NEGR1: variants seen among roughly 807,000 people sequenced by gnomAD.
The protein encoded by NEGR1 is IgLON family member 4.
A neutral mutation model predicts 40.9 loss-of-function variants in NEGR1; 10 were observed. The ratio of observed to expected loss-of-function variants is 0.24; its 90% confidence interval spans 0.15 to 0.42. The LOEUF (loss-of-function observed/expected upper bound fraction) is 0.42. Ranked by LOEUF, NEGR1 falls within the 10% of genes least tolerant of loss-of-function variation. The pLI is 1.00. For missense variants in NEGR1, 352 were observed against 438.9 expected (o/e 0.80, Z 1.77); for synonymous variants, 185 against 166.8 (o/e 1.11, Z -0.84).
chr1:71,725,789 T>C (rs761225698), intron 3 of NEGR1, among the ~76,000 whole-genome samples: 19 of 152,090 alleles, frequency 1.2e-4, no homozygotes, highest in African/African-American at 4.3e-4. Flanking sequence ...GATTATAGCA[T>C]AGTTTCTAGT....
At chr1:71,463,292 T>C (rs1054116375) in intron 6 of NEGR1, 2 of 152,128 alleles carry the variant, frequency 1.3e-5, no homozygotes, top group African/African-American at 2.4e-5. Flanking sequence ...TACTGTTTTG[T>C]TCATTAGGGA....
At chr1:71,627,785 G>C (rs1013125188) in intron 4 of NEGR1, among the ~76,000 whole-genome samples, 4 of 152,040 alleles carry the variant, frequency 2.6e-5, no homozygotes, top group Non-Finnish European at 4.4e-5. Flanking sequence ...CAAAGCCAAA[G>C]AGAGCTCTAT....
At chr1:71,897,208 C>T (rs867436979) in intron 2 of NEGR1, among the ~76,000 whole-genome samples, 1 of 151,808 alleles carries the variant, frequency 6.6e-6, no homozygotes, top group Admixed American at 6.6e-5. Flanking sequence ...CTCTGTTTTC[C>T]ATTTCAAAAC....
At chr1:72,040,257 T>C (rs17097667) in intron 1 of NEGR1, among the ~76,000 whole-genome samples, 3,632 of 151,900 alleles carry the variant, frequency 0.024, 138 homozygotes, top group African/African-American at 0.083. Flanking sequence ...TAGAGAACAA[T>C]ACAAGCCAGA....
intron 5 of NEGR1, among the ~76,000 whole-genome samples, chr1:71,595,778 C>T (rs1649676801): frequency 6.6e-6 from 1 of 152,040 alleles, no homozygotes; most frequent in Admixed American, 6.6e-5. Flanking sequence ...AACATATCTA[C>T]CCTTAATTAC....
intron 4 of NEGR1, among the ~76,000 whole-genome samples, chr1:71,642,134 C>G (rs930167546): frequency 2.6e-5 from 4 of 151,882 alleles, no homozygotes; most frequent in African/African-American, 9.7e-5. Flanking sequence ...GGGAGCGACA[C>G]AGTGACATTC....
At chr1:71,932,015 T>A (rs1645859690) in intron 2 of NEGR1, among the ~76,000 whole-genome samples, 1 of 152,154 alleles carries the variant, frequency 6.6e-6, no homozygotes, top group African/African-American at 2.4e-5. Context: ...TTATTAAGTC[T>A]ATTAGTCAGT....
chr1:71,636,536 C>A (rs765183462), intron 4 of NEGR1, among the ~76,000 whole-genome samples: 47 of 151,984 alleles, frequency 3.1e-4, no homozygotes, highest in Non-Finnish European at 4.9e-4. Flanking sequence ...GGAAATAGCA[C>A]CGAATCATTG....
chr1:72,074,235 G>T (rs1295321753), intron 1 of NEGR1, among the ~76,000 whole-genome samples: 1 of 152,132 alleles, frequency 6.6e-6, no homozygotes, highest in Admixed American at 6.6e-5. Flanking sequence ...TCTGATAAAC[G>T]TATGAATGAC....
intron 2 of NEGR1, among the ~76,000 whole-genome samples, chr1:71,805,302 TC>T (rs1486651889): frequency 6.6e-6 from 1 of 152,204 alleles, no homozygotes; most frequent in African/African-American, 2.4e-5. Context: ...GCATGTGATC[TC>T]TGTGACCTAC....
At chr1:71,438,373 C>T (rs1212277512) in intron 6 of NEGR1, among the ~76,000 whole-genome samples, 1 of 152,138 alleles carries the variant, frequency 6.6e-6, no homozygotes, top group Non-Finnish European at 1.5e-5. Flanking sequence ...ATTATAATGA[C>T]ACTTCAAATG....
At chr1:71,658,908 G>A (rs968842392) in intron 4 of NEGR1, among the ~76,000 whole-genome samples, 10 of 152,046 alleles carry the variant, frequency 6.6e-5, no homozygotes, top group African/African-American at 2.4e-4. Flanking sequence ...GTGAAGTAAG[G>A]AGTTTCAGTT....
At chr1:72,169,638 C>T (rs1260188868) in intron 1 of NEGR1, among the ~76,000 whole-genome samples, 1 of 152,098 alleles carries the variant, frequency 6.6e-6, no homozygotes, top group African/African-American at 2.4e-5. Context: ...TCTCTTTATG[C>T]AAATAGTGCT....
Position 72,211,648 on chromosome 1 carries a change from G to C in NEGR1, c.176+70671C>G, listed in dbSNP as rs1653610968. Reference sequence around the variant, plus strand: ...TTTTATTATACATTAATATGTAATGGGTTTGTCATTTATAAATGAACTAAT... The same window carrying C: ...TTTTATTATACATTAATATGTAATGCGTTTGTCATTTATAAATGAACTAAT... On this transcript the variant is annotated intron_variant, in intron 1 of 6. Transcript: ENST00000357731. Among the ~76,000 whole-genome samples the C allele has an allele frequency of 1.3e-5, 2 of 150,386 alleles. 1 individual carries two copies. Among genetic ancestry groups the C allele is most frequent in the South Asian group, 4.2e-4 (2 of 4,794 alleles).
At chr1:71,418,781 C>T (rs1423557387) in intron 6 of NEGR1, among the ~76,000 whole-genome samples, 1 of 152,088 alleles carries the variant, frequency 6.6e-6, no homozygotes, top group Admixed American at 6.6e-5. Flanking sequence ...ACCTAGATTT[C>T]GCATTTCTAA....
intron 1 of NEGR1, among the ~76,000 whole-genome samples, chr1:72,048,703 A>G (rs116517604): frequency 0.014 from 2,147 of 151,722 alleles, 52 homozygotes; most frequent in African/African-American, 0.049. Flanking sequence ...AGTCTTCTCA[A>G]CCTGTGGTGA....
intron 6 of NEGR1, among the ~76,000 whole-genome samples, chr1:71,557,749 A>C (rs897360764): frequency 1.3e-5 from 2 of 151,662 alleles, no homozygotes; most frequent in African/African-American, 4.8e-5. Context: ...TTCAATACTA[A>C]GAAATTAACA....
At chr1:71,976,027 C>T (rs1269615604) in intron 1 of NEGR1, among the ~76,000 whole-genome samples, 1 of 152,104 alleles carries the variant, frequency 6.6e-6, no homozygotes, top group Non-Finnish European at 1.5e-5. Context: ...CATAAATCCG[C>T]GATAAACATG....
chr1:72,053,616 A>T (rs776750766), intron 1 of NEGR1, among the ~76,000 whole-genome samples: 18 of 151,166 alleles, frequency 1.2e-4, no homozygotes, highest in African/African-American at 1.9e-4. Flanking sequence ...AAGGAACCAT[A>T]GTAAGGTAAT....
Sources: allele counts gnomAD v4.1 joint callset (sites outside exome capture counted in the v4.1 genomes callset), GRCh38; gene constraint gnomAD v4.1.1; transcripts MANE v1.5; gene names NCBI Gene and HGNC (gene_info 2026-07-23, HGNC 2026-07-21).